Variants in PTPRM observed in about 807,000 individuals in gnomAD.
PTPRM encodes protein tyrosine phosphatase receptor type M, also known as receptor-type tyrosine-protein phosphatase mu.
A neutral mutation model predicts 186.7 loss-of-function variants in PTPRM; 47 were observed. The observed-to-expected ratio is 0.25, with a 90% confidence interval of 0.20 to 0.32. The LOEUF is 0.32. Among genes scored for constraint, PTPRM ranks in the 10% least tolerant of loss-of-function variants. The pLI, the probability that PTPRM is intolerant of heterozygous loss-of-function variation, is 1.00. For missense variants in PTPRM, 1,494 were observed against 1,865.0 expected (o/e 0.80, Z 3.66); for synonymous variants, 668 against 674.9 (o/e 0.99, Z 0.16).
intron 19 of PTPRM, among the ~76,000 whole-genome samples, chr18:8,256,666 G>A (rs1223003410): frequency 6.6e-6 from 1 of 152,144 alleles, no homozygotes; most frequent in African/African-American, 2.4e-5. Context: ...TTCATCTCCA[G>A]GGCTGGATAA....
intron 2 of PTPRM, among the ~76,000 whole-genome samples, chr18:7,871,516 G>A (rs150597976): frequency 2.4e-4 from 37 of 152,312 alleles, no homozygotes; most frequent in East Asian, 7.7e-4. Flanking sequence ...CTGAGGGGCC[G>A]TGGACATGTC....
At chr18:8,388,300 C>G (rs1056645426) in intron 31 of PTPRM, among the ~76,000 whole-genome samples, 8 of 152,178 alleles carry the variant, frequency 5.3e-5, no homozygotes, top group Non-Finnish European at 2.9e-5. Flanking sequence ...AATGAGATCT[C>G]TCTTAAATTG....
rs1209567838 is a variant in PTPRM at position 8,376,151 on chromosome 18, G to A, written c.3277G>A (p.Val1093Ile). 5.0e-6 allele frequency: 8 copies of A among 1,613,788 alleles called. No individual in the cohort carries two copies. Among genetic ancestry groups the A allele is most frequent in the Non-Finnish European group, 6.8e-6 (8 of 1,180,022 alleles). Residue 1093 changes from valine (V) to isoleucine (I), a missense_variant, in exon 25 of 33, where the codon GTC (valine) becomes ATC (isoleucine). Around this residue, in one of 3 missense-constraint regions of PTPRM, gnomAD observed 1,107 missense variants for 1,350.2 expected, o/e 0.82. Transcript: ENST00000580170. ...ATGLLGFVRQ[V>I]KSKSPPSAGP... is the part of the protein sequence containing the mutation. The stretch of plus-strand genomic sequence containing the variant: ...CGGCCTGCTGGGATTCGTGCGGCAA[G>A]TCAAGTCCAAGAGCCCGCCCAGTGC...
At chr18:8,190,221 ATTC>A (rs1450049206) in intron 14 of PTPRM, among the ~76,000 whole-genome samples, 2 of 152,058 alleles carry the variant, frequency 1.3e-5, no homozygotes, top group African/African-American at 4.8e-5. Flanking sequence ...TCTTGAAATT[ATTC>A]TTCTTGTCTA....
chr18:8,360,056 C>T (rs1483293107), intron 23 of PTPRM, among the ~76,000 whole-genome samples: 1 of 152,172 alleles, frequency 6.6e-6, no homozygotes, highest in African/African-American at 2.4e-5. Context: ...TGGGGCCTCT[C>T]CCAGGAGGAT....
chr18:7,699,014 G>A (rs764573526), intron 1 of PTPRM, among the ~76,000 whole-genome samples: 9 of 152,216 alleles, frequency 5.9e-5, no homozygotes, highest in Admixed American at 2.0e-4. Context: ...CTGCACATCA[G>A]GACGTGAGTG....
In PTPRM at chr18:7,660,409, T is replaced by C. The variant is rs1001607212; in HGVS notation, c.73+92518T>C. Among the ~76,000 whole-genome samples the C allele has an allele frequency of 2.0e-5, 3 of 152,126 alleles. No homozygotes were observed. The East Asian group carries it at 5.8e-4, about 29-fold the overall frequency. The stretch of plus-strand genomic sequence containing the variant: ...GGTCGATTTATGCTTCAAGAGGTTT[T>C]TGTATGGTGGCCCAGGCTGAGAAGC... On this transcript the variant is annotated intron_variant, in intron 1 of 32. Coordinates refer to ENST00000580170, the MANE Select transcript of PTPRM (RefSeq NM_001105244.2).
chr18:7,626,133 A>G (rs931283353), intron 1 of PTPRM, among the ~76,000 whole-genome samples: 1 of 152,256 alleles, frequency 6.6e-6, no homozygotes, highest in African/African-American at 2.4e-5. Context: ...CACTGGGAAA[A>G]GGAAAGGCTC....
At chr18:7,683,350 T>A (rs752331217) in intron 1 of PTPRM, among the ~76,000 whole-genome samples, 11 of 151,956 alleles carry the variant, frequency 7.2e-5, no homozygotes, top group Admixed American at 2.0e-4. Flanking sequence ...AAAAAAATGT[T>A]TTTATAGAGA....
intron 11 of PTPRM, among the ~76,000 whole-genome samples, chr18:8,093,659 T>A (rs987302247): frequency 6.6e-6 from 1 of 152,158 alleles, no homozygotes; most frequent in Admixed American, 6.6e-5. Context: ...CCCAAATCTA[T>A]ATAATAACTC....
chr18:8,020,633 C>CT (rs2085156357), intron 7 of PTPRM, among the ~76,000 whole-genome samples: 1 of 152,192 alleles, frequency 6.6e-6, no homozygotes, highest in South Asian at 2.1e-4. Flanking sequence ...AGCTGCCTCA[C>CT]TTCCTGGTCT....
chr18:8,113,590 T>A lies in PTPRM; in HGVS notation c.1961T>A (p.Leu654Gln), dbSNP rs116531885. The stretch of plus-strand genomic sequence containing the variant: ...CCAATTCACTTCCAGAATGCTTCTC[T>A]GCTGAACTCACAGTACTACTTTGCT... ...PVPIHFQNASLLNSQYYFAAE... is the reference protein window; with the variant it reads ...PVPIHFQNASQLNSQYYFAAE... Residue 654 changes from leucine (L) to glutamine (Q), a missense_variant, in exon 12 of 33, where the codon CTG becomes CAG. Physicochemically the swap from Leu to Gln is moderately radical, Grantham distance 113. Around this residue, in one of 3 missense-constraint regions of PTPRM, gnomAD observed 1,107 missense variants for 1,350.2 expected, o/e 0.82. Coordinates refer to ENST00000580170, the MANE Select transcript of PTPRM (RefSeq NM_001105244.2). 1.8e-4 allele frequency: 294 copies of A among 1,614,190 alleles called. 2 individuals carry two copies. The African/African-American group carries it at 3.4e-3, about 19-fold the overall frequency.
chr18:8,116,577 C>A (rs2091966117), intron 13 of PTPRM, among the ~76,000 whole-genome samples: 2 of 152,164 alleles, frequency 1.3e-5, no homozygotes, highest in Non-Finnish European at 2.9e-5. Flanking sequence ...AGCATCAGAC[C>A]TCCTCTTGGT....
chr18:8,044,756 C>A (rs1425754215), intron 7 of PTPRM, among the ~76,000 whole-genome samples: 768 of 104,326 alleles, frequency 7.4e-3, no homozygotes, highest in South Asian at 0.01. Context: ...GACTCTGTCT[C>A]AAAAAAAAAA....
chr18:7,935,678 T>G (rs2051760450), intron 5 of PTPRM, among the ~76,000 whole-genome samples: 1 of 152,136 alleles, frequency 6.6e-6, no homozygotes, highest in East Asian at 1.9e-4. Flanking sequence ...TTTCCAGCTT[T>G]TATTTTAGGT....
chr18:8,076,849 A>G (rs1417837990), intron 9 of PTPRM, among the ~76,000 whole-genome samples: 2 of 152,120 alleles, frequency 1.3e-5, no homozygotes, highest in Admixed American at 6.5e-5. Flanking sequence ...ATTAAAAACA[A>G]TAAGTATTTT....
chr18:8,282,535 G>C (rs775137133), intron 19 of PTPRM, among the ~76,000 whole-genome samples: 1 of 152,012 alleles, frequency 6.6e-6, no homozygotes, highest in Admixed American at 6.6e-5. Flanking sequence ...GGTGGTGGCC[G>C]CCTGTAATCC....
chr18:7,972,479 T>TAAAAAAAAAAAA (rs11445031), intron 7 of PTPRM, among the ~76,000 whole-genome samples: 2 of 44,368 alleles, frequency 4.5e-5, no homozygotes, highest in Non-Finnish European at 7.3e-5. Context: ...AAAAAAACAT[T>TAAAAAAAAAAAA]AAAAAAAAAA....
chr18:8,106,857 T>C (rs2091543400), intron 11 of PTPRM, among the ~76,000 whole-genome samples: 1 of 152,208 alleles, frequency 6.6e-6, no homozygotes, highest in South Asian at 2.1e-4. Context: ...GATTCCCAAG[T>C]CAATGCTCTC....
Sources: gnomAD v4.1 joint callset for allele counts (sites outside exome capture counted in the v4.1 genomes callset) on GRCh38, gnomAD v4.1.1 for gene constraint, gnomAD v4.1.1 regional missense constraint, MANE v1.5 for transcripts, NCBI Gene and HGNC (gene_info 2026-07-23, HGNC 2026-07-21) for gene names.